Variants in ALG12 observed in about 807,000 individuals in gnomAD.
ALG12 encodes dol-P-Man:Man(7)GlcNAc(2)-PP-Dol alpha-1,6-mannosyltransferase.
In ALG12, 36 loss-of-function variants were observed where a neutral mutation model predicts 46.0. The ratio of observed to expected loss-of-function variants is 0.78; its 90% CI spans 0.60 to 1.03. The LOEUF is 1.03. ALG12 is among the 50% of genes least tolerant of loss of function. The probability of loss-of-function intolerance (pLI) is 0.00; values close to 1 mark genes in which losing one functional copy is unlikely to be tolerated. For synonymous variants in ALG12, 326 were observed against 291.6 expected, an observed-to-expected ratio of 1.12 and a Z score of -1.20; for missense variants, 599 against 633.5, an observed-to-expected ratio of 0.95 and a Z score of 0.58.
At chr22:49,904,689 G>T in intron 7 of ALG12, 183 bp from the exon 8 acceptor site, 1 of 656,180 alleles carries the variant, frequency 1.5e-6, no homozygotes, top group East Asian at 2.8e-5. Context: ...CTCAAGAATT[G>T]TCTGTGAAAT....
the ALG12 span, among the ~76,000 whole-genome samples, chr22:49,881,695 T>C: frequency 6.6e-6 from 1 of 152,274 alleles, no homozygotes; most frequent in South Asian, 2.1e-4. Context: ...TTTGTTTGTT[T>C]GTTTTGTTTT....
the ALG12 span, among the ~76,000 whole-genome samples, chr22:49,881,684 TTTTG>T: frequency 3.3e-5 from 5 of 152,104 alleles, no homozygotes; most frequent in Admixed American, 6.6e-5. Context: ...ACTTGGCATT[TTTTG>T]TTTGTTTGTT....
chr22:49,902,342 T>TG lies in ALG12; in HGVS notation c.*1495dup, dbSNP rs2060515416. ...CATGGTAATGTGCACGTGTGCACTGTGTGTGGTGTGTATGCATGGTGTGTG... is the reference window on the plus strand; with the variant it reads ...CATGGTAATGTGCACGTGTGCACTGTGGTGTGGTGTGTATGCATGGTGTGTG... On this transcript the variant is annotated 3_prime_UTR_variant, in exon 10 of 10. Transcript: ENST00000330817. The TG allele has an allele frequency of 1.5e-5, 1 of 65,032 alleles. No individual in the cohort carries two copies. Among genetic ancestry groups the TG allele is most frequent in the African/African-American group, 3.4e-4 (1 of 2,918 alleles). 4.0% of individuals were successfully genotyped at this position (65,032 alleles called of 1,614,324 possible).
the ALG12 span, chr22:49,886,702 G>T: frequency 1.2e-6 from 2 of 1,613,308 alleles, no homozygotes; most frequent in Non-Finnish European, 1.7e-6. This position sits in a 1 kb window ranked among gnomAD's most constrained non-coding sequence, Gnocchi z 7.7. Context: ...TCGCTACAAG[G>T]CCTCCCTGTT....
intron 3 of ALG12, among the ~76,000 whole-genome samples, chr22:49,911,280 G>A (rs2060575121): frequency 6.6e-6 from 1 of 152,224 alleles, no homozygotes; most frequent in African/African-American, 2.4e-5. Context: ...AAGCAACTGG[G>A]TCCAGGCAGC....
At chr22:49,870,838 G>A in the ALG12 span, among the ~76,000 whole-genome samples, 2 of 151,948 alleles carry the variant, frequency 1.3e-5, no homozygotes, top group African/African-American at 4.8e-5. Flanking sequence ...TTAGGTCCCA[G>A]TTGTCAATTT....
the ALG12 span, among the ~76,000 whole-genome samples, chr22:49,862,700 T>G: frequency 7.1e-6 from 1 of 141,336 alleles, no homozygotes; most frequent in East Asian, 2.2e-4. Context: ...TTCCTTTTTT[T>G]TTTTTTTTTT....
chr22:49,859,748 G>A, the ALG12 span, among the ~76,000 whole-genome samples: 1,193 of 152,312 alleles, frequency 7.8e-3, 12 homozygotes, highest in South Asian at 0.061. Flanking sequence ...TAGTTTTGCG[G>A]GGTGTGGTGG....
the ALG12 span, among the ~76,000 whole-genome samples, chr22:49,861,244 T>C: frequency 0.75 from 113,370 of 151,634 alleles, 44,837 homozygotes; most frequent in East Asian, 0.91. Context: ...TGGATTCAAG[T>C]GATTCTTGTG....
the ALG12 span, among the ~76,000 whole-genome samples, chr22:49,878,957 A>G: frequency 6.6e-6 from 1 of 151,856 alleles, no homozygotes; most frequent in African/African-American, 2.4e-5. Context: ...ATCGTGGCCA[A>G]CATGGTGAAA....
chr22:49,860,151 C>T, the ALG12 span, among the ~76,000 whole-genome samples: 1 of 151,814 alleles, frequency 6.6e-6, no homozygotes, highest in African/African-American at 2.4e-5. Flanking sequence ...ATACAGAAAT[C>T]AGCCGGGCAT....
chr22:49,917,443 G>A (rs189566669), intron 1 of ALG12, among the ~76,000 whole-genome samples: 2 of 152,344 alleles, frequency 1.3e-5, no homozygotes, highest in East Asian at 1.9e-4. Context: ...GGCTGAGGCA[G>A]GCAGATCGCT....
downstream of ALG12, among the ~76,000 whole-genome samples, chr22:49,895,937 G>C (rs1164444817): frequency 2.6e-5 from 4 of 152,208 alleles, no homozygotes; most frequent in Non-Finnish European, 2.9e-5. Context: ...AGTCTTGGTT[G>C]AGTTCTGGGA....
chr22:49,915,947 A>G (rs912016721), intron 1 of ALG12, among the ~76,000 whole-genome samples: 7 of 152,214 alleles, frequency 4.6e-5, no homozygotes, highest in African/African-American at 1.7e-4. Flanking sequence ...TTCTCATCAC[A>G]CCAGCTCACG....
At chr22:49,886,587 G>A in the ALG12 span, 44 of 1,556,558 alleles carry the variant, frequency 2.8e-5, no homozygotes, top group South Asian at 2.9e-4. The surrounding 1 kb of genome is among the most constrained non-coding windows in gnomAD (Gnocchi z 7.7). Context: ...TCGAGGAGAC[G>A]ATGGGCATCG....
chr22:49,882,019 C>T, the ALG12 span, among the ~76,000 whole-genome samples: 1 of 152,178 alleles, frequency 6.6e-6, no homozygotes, highest in African/African-American at 2.4e-5. Context: ...CCTGTTTCCC[C>T]AGCAGTATTA....
rs1193980480 is a variant in ALG12 at position 49,905,300 on chromosome 22, CG to C, written c.993-795del. On this transcript the variant is annotated intron_variant, in intron 7 of 9. Transcript: ENST00000330817. The surrounding 1 kb of genome is among the most constrained non-coding windows in gnomAD (Gnocchi z 4.9). Reference sequence around the variant, plus strand: ...CCCTGGTCTAAACGCCCTGAACCCCCGATCAAGACTCACTCTCTTCCAAACC... The same window carrying C: ...CCCTGGTCTAAACGCCCTGAACCCCCATCAAGACTCACTCTCTTCCAAACC... Among the ~76,000 whole-genome samples the C allele has an allele frequency of 6.6e-6, 1 of 152,186 alleles. No individual in the cohort carries two copies. The highest frequency in any genetic ancestry group is 1.5e-5 in the Non-Finnish European group (1 of 68,040).
At chr22:49,885,755 C>A in the ALG12 span, 1 of 1,603,828 alleles carries the variant, frequency 6.2e-7, no homozygotes, top group Non-Finnish European at 8.5e-7. Context: ...CCCGCCCCTT[C>A]CTACTTCTCC....
downstream of ALG12, among the ~76,000 whole-genome samples, chr22:49,899,533 G>C (rs1023879830): frequency 4.0e-5 from 6 of 151,576 alleles, no homozygotes; most frequent in East Asian, 1.2e-3. Flanking sequence ...CCCTCAGACT[G>C]GCCAATTAAA....
Sources: gnomAD v4.1 joint callset for allele counts (sites outside exome capture counted in the v4.1 genomes callset) on GRCh38, gnomAD v4.1.1 for gene constraint, Gnocchi (gnomAD v3.1) non-coding constraint, MANE v1.5 for transcripts, NCBI Gene and HGNC (gene_info 2026-07-23, HGNC 2026-07-21) for gene names.